PATL1: variants seen among roughly 807,000 people sequenced by gnomAD.
PATL1 encodes PAT1 homolog 1, processing body mRNA decay factor, also known as protein PAT1 homolog 1.
In PATL1, 32 loss-of-function variants were observed where a neutral mutation model predicts 100.6. That is an observed-to-expected ratio of 0.32 (90% CI 0.24 to 0.43). The LOEUF (loss-of-function observed/expected upper bound fraction) is 0.43, where lower values mean the gene tolerates loss of function less well. PATL1 is among the 20% of genes least tolerant of loss of function. The pLI is 1.00. For synonymous variants in PATL1, 332 were observed against 330.0 expected (o/e 1.01, Z -0.07); for missense variants, 747 against 949.9 (o/e 0.79, Z 2.81).
chr11:59,654,155 T>C (rs1204631690), intron 8 of PATL1, 83 bp from the exon 9 acceptor site: 8 of 1,178,794 alleles, frequency 6.8e-6, no homozygotes, highest in Non-Finnish European at 1.0e-5. Context: ...AGAGGATAAC[T>C]TCATACAGGT....
chr11:59,652,750 A>G, intron 10 of PATL1, 88 bp downstream of exon 10: 1 of 1,498,768 alleles, frequency 6.7e-7, no homozygotes. Flanking sequence ...AATTTTACAA[A>G]TATTTAATTG....
chr11:59,663,683 C>T (rs1312476304), intron 2 of PATL1, among the ~76,000 whole-genome samples: 1 of 152,114 alleles, frequency 6.6e-6, no homozygotes. Context: ...TACTGCAACA[C>T]TATTTATTGC....
chr11:59,639,596 C>G (rs535345524), intron 16 of PATL1: 3 of 486,542 alleles, frequency 6.2e-6, no homozygotes, highest in African/African-American at 3.9e-5. Context: ...AGTGACCAGG[C>G]GCAGCCAACA....
intron 12 of PATL1, among the ~76,000 whole-genome samples, chr11:59,651,104 A>G (rs1055154030): frequency 1.3e-5 from 2 of 152,132 alleles, no homozygotes; most frequent in Admixed American, 1.3e-4. Context: ...TTTAGGTTCA[A>G]TGGTACACGT....
At chr11:59,666,551 A>C (rs1590706154) in intron 2 of PATL1, among the ~76,000 whole-genome samples, 1 of 152,266 alleles carries the variant, frequency 6.6e-6, no homozygotes, top group East Asian at 1.9e-4. Context: ...TCTCTCTTAA[A>C]TGTTTACTTC....
At chr11:59,645,349 A>G in intron 15 of PATL1, among the ~76,000 whole-genome samples, 1 of 139,098 alleles carries the variant, frequency 7.2e-6, no homozygotes, top group African/African-American at 2.7e-5. Flanking sequence ...ACTTCCCAGT[A>G]GGGGCGGCCA....
rs984125707 is a variant in PATL1 at position 59,669,008 on chromosome 11, C to T, written c.-113G>A. ...TCCACCGGCTCGCGACCCCTGGCCG[C>T]CGCCGTACGCCGGAGCGTGCGTGGG... On this transcript the variant is annotated 5_prime_UTR_variant, in exon 1 of 19. Transcript: ENST00000300146. 13 of 263,436 alleles carry T rather than the reference C, an allele frequency of 4.9e-5. No individual in the cohort carries two copies. The highest frequency in any genetic ancestry group is 1.7e-4 in the Admixed American group (3 of 17,946). 16.3% of individuals were successfully genotyped at this position (263,436 alleles called of 1,614,324 possible). A position where few individuals can be genotyped will look rare whatever the true frequency, so the allele number is the denominator to read the frequency against.
chr11:59,667,995 G>C (rs1192969964), intron 1 of PATL1, among the ~76,000 whole-genome samples: 1 of 152,202 alleles, frequency 6.6e-6, no homozygotes, highest in South Asian at 2.1e-4. Context: ...GAAAGATTAG[G>C]TCAAAGGGCG....
chr11:59,658,885 C>T lies in PATL1; in HGVS notation c.407G>A (p.Arg136Gln), dbSNP rs1437960695. ...WDGSEVLRRI[R>Q]GPLLAQEMPT... Reference sequence around the variant, plus strand: ...TAATACCTGAGCAAGCAGTGGTCCTCGGATTCGCCTCAGAACTTCAGATCC... The same window carrying T: ...TAATACCTGAGCAAGCAGTGGTCCTTGGATTCGCCTCAGAACTTCAGATCC... The change falls in exon 4 of 19, where the codon CGA becomes CAA. Residue 136 changes from arginine to glutamine, a missense_variant. Physicochemically the swap from Arg to Gln is conservative, Grantham distance 43. Around this residue, in one of 4 missense-constraint regions of PATL1, gnomAD observed 183 missense variants for 221.2 expected, o/e 0.83. Coordinates refer to ENST00000300146, the MANE Select transcript of PATL1 (RefSeq NM_152716.3). 6 of 1,549,018 alleles carry T rather than the reference C, an allele frequency of 3.9e-6. No homozygotes were observed. The highest frequency in any genetic ancestry group is 1.2e-5 in the South Asian group (1 of 83,424).
Position 59,647,820 on chromosome 11 carries a change from T to C in PATL1, c.1827A>G (p.Ala609=), listed in dbSNP as rs374543352. The C allele has an allele frequency of 6.2e-7, 1 of 1,613,986 alleles. No homozygotes were observed. Among genetic ancestry groups the C allele is most frequent in the Non-Finnish European group, 8.5e-7 (1 of 1,179,866 alleles). ...TGGCTGTTGTCATGAGAATGTCAGC[T>C]GCTTGCTCTGTGGAGAGGAAAGGAA... The part of the protein sequence containing the change: ...RILPFLSTEQ[A]ADILMTTARN... The change falls in exon 15 of 19, where the codon GCA becomes GCG. Residue 609 remains alanine, a synonymous_variant. Coordinates refer to ENST00000300146, the MANE Select transcript of PATL1 (RefSeq NM_152716.3).
At position 59,652,543 on chromosome 11, in the gene PATL1, T is replaced by C. The variant is rs1186003483; in HGVS notation, c.1347A>G (p.Ile449Met). Reference protein sequence around the residue: ...KLEKLSAAEEIQGDGPKKERT... With the variant: ...KLEKLSAAEEMQGDGPKKERT... The stretch of plus-strand genomic sequence containing the variant: ...GCTCCTTCTTAGGGCCATCACCTTG[T>C]ATTTCTTCAGCAGCTGACAGTTTCT... The change falls in exon 11 of 19, where the codon ATA (isoleucine) becomes ATG (methionine). Residue 449 changes from isoleucine (I) to methionine (M), a missense_variant. Ile to Met is a conservative substitution (Grantham distance 10). Transcript: ENST00000300146. 1 of 1,613,904 alleles carries C rather than the reference T, an allele frequency of 6.2e-7. No individual in the cohort carries two copies. The highest frequency in any genetic ancestry group is 2.2e-5 in the East Asian group (1 of 44,876).
At chr11:59,661,637 G>C (rs530745625) in intron 2 of PATL1, among the ~76,000 whole-genome samples, 24 of 152,162 alleles carry the variant, frequency 1.6e-4, no homozygotes, top group African/African-American at 5.5e-4. Flanking sequence ...TCTTTTTTCT[G>C]CTTTCAGAGA....
rs1165658928 is a variant in PATL1 at position 59,655,751 on chromosome 11, G to A, written c.814-11C>T. The A allele has an allele frequency of 6.4e-7, 1 of 1,572,092 alleles. No homozygotes were observed. Among genetic ancestry groups the A allele is most frequent in the Non-Finnish European group, 8.6e-7 (1 of 1,157,198 alleles). On this transcript the variant is annotated splice_polypyrimidine_tract_variant and intron_variant, in intron 7 of 18. Transcript: ENST00000300146. ...CCGTCCAGGCTGTAGCTACAAAGAGGAAGAAGATCTTAGATTTAGACAATC... is the reference window on the plus strand; with the variant it reads ...CCGTCCAGGCTGTAGCTACAAAGAGAAAGAAGATCTTAGATTTAGACAATC...
At position 59,638,051 on chromosome 11, in the gene PATL1, T is replaced by G. The variant is rs1428274387; in HGVS notation, c.*339A>C. On this transcript the variant is annotated 3_prime_UTR_variant, in exon 19 of 19. Transcript: ENST00000300146. ...GAAGGAATCCTTTGGCAGGCTACAA[T>G]CTACTCTGAGGTGGAGTAGTGGAGG... 3 of 300,884 alleles carry G rather than the reference T, an allele frequency of 1.0e-5. No individual in the cohort carries two copies. The Admixed American group carries it at 1.3e-4, about 13-fold the overall frequency. The allele number at this position is 300,884 out of a possible 1,614,324, so 18.6% of individuals were successfully genotyped here.
At chr11:59,660,800 G>A (rs994951723) in intron 2 of PATL1, among the ~76,000 whole-genome samples, 3 of 152,184 alleles carry the variant, frequency 2.0e-5, no homozygotes, top group Non-Finnish European at 2.9e-5. Flanking sequence ...ACAGGCTAGG[G>A]AAGAGGAAGG....
In PATL1 at chr11:59,655,498, A is replaced by G. The variant is rs1367700694; in HGVS notation, c.1031+25T>C. 4 of 1,511,766 alleles carry G rather than the reference A, an allele frequency of 2.6e-6. No individual in the cohort carries two copies. The Admixed American group carries it at 8.2e-5, about 31-fold the overall frequency. 93.6% of individuals were successfully genotyped at this position (1,511,766 alleles called of 1,614,324 possible). On this transcript the variant is annotated intron_variant, in intron 8 of 18. Coordinates refer to ENST00000300146, the MANE Select transcript of PATL1 (RefSeq NM_152716.3). The stretch of plus-strand genomic sequence containing the variant: ...TCAAGAGACTTGGCTGATAACTGAT[A>G]AACAGTGGCGTTGATTTTGTATACC...
At chr11:59,653,142 G>A in intron 9 of PATL1, 124 bp from the exon 10 acceptor site, 1 of 821,574 alleles carries the variant, frequency 1.2e-6, no homozygotes, top group South Asian at 2.0e-5. Context: ...TTTCTTAAAA[G>A]GGGAGTGAAA....
At position 59,668,922 on chromosome 11, in the gene PATL1, G is replaced by A. The variant is rs979171175; in HGVS notation, c.-27C>T. ...CTTGGGGAGGGGGGCAGGGAGCGGG[G>A]AGGGGAGAGGGGGAGGGAGGGAAGA... is the stretch of plus-strand genomic sequence containing the variant. On this transcript the variant is annotated 5_prime_UTR_variant, in exon 1 of 19. Coordinates refer to ENST00000300146, the MANE Select transcript of PATL1 (RefSeq NM_152716.3). 19 of 497,452 alleles carry A rather than the reference G, an allele frequency of 3.8e-5. No individual in the cohort carries two copies. The highest frequency in any genetic ancestry group is 5.8e-5 in the Non-Finnish European group (17 of 292,560). 30.8% of individuals were successfully genotyped at this position (497,452 alleles called of 1,614,324 possible).
chr11:59,641,070 C>A (rs1044636698), intron 16 of PATL1, among the ~76,000 whole-genome samples: 12 of 151,880 alleles, frequency 7.9e-5, no homozygotes, highest in African/African-American at 2.9e-4. Context: ...TACTTGGGGG[C>A]TGACGCAGGA....
Sources: gnomAD v4.1 joint callset for allele counts (sites outside exome capture counted in the v4.1 genomes callset) on GRCh38, gnomAD v4.1.1 for gene constraint, gnomAD v4.1.1 regional missense constraint, MANE v1.5 for transcripts, NCBI Gene and HGNC (gene_info 2026-07-23, HGNC 2026-07-21) for gene names.